UGT1A10: variants seen among roughly 807,000 people sequenced by gnomAD.
UGT1A10 encodes UDP glucuronosyltransferase family 1 member A10.
In UGT1A10, 49 loss-of-function variants were observed where a neutral mutation model predicts 45.8. The ratio of observed to expected loss-of-function variants is 1.07; its 90% CI spans 0.85 to 1.36. The LOEUF (loss-of-function observed/expected upper bound fraction) is 1.36, where lower values mean the gene tolerates loss of function less well. Among genes scored for constraint, UGT1A10 ranks in the 40% most tolerant of loss-of-function variants. The probability of loss-of-function intolerance (pLI) is 0.00; values close to 1 mark genes in which losing one functional copy is unlikely to be tolerated. For synonymous variants in UGT1A10, 284 were observed against 249.7 expected (o/e 1.14, Z -1.29); for missense variants, 745 against 668.6 (o/e 1.11, Z -1.26).
At chr2:233,667,807 A>C (rs535315154) in intron 1 of UGT1A10, among the ~76,000 whole-genome samples, 2 of 152,374 alleles carry the variant, frequency 1.3e-5, no homozygotes, top group Admixed American at 6.5e-5. Flanking sequence ...GCCATCTGAG[A>C]AATGCAAATC....
chr2:233,665,478 T>G (rs552210006), intron 1 of UGT1A10, among the ~76,000 whole-genome samples: 13 of 152,326 alleles, frequency 8.5e-5, no homozygotes, highest in African/African-American at 2.9e-4. Context: ...AAGTAGTGCC[T>G]TGTACACTTT....
At chr2:233,666,727 C>T (rs1432952761) in intron 1 of UGT1A10, among the ~76,000 whole-genome samples, 2 of 151,740 alleles carry the variant, frequency 1.3e-5, no homozygotes, top group African/African-American at 4.8e-5. Flanking sequence ...TATACATGTG[C>T]CATGTTGGTG....
At chr2:233,646,235 T>G (rs529367829) in intron 1 of UGT1A10, among the ~76,000 whole-genome samples, 150 of 152,312 alleles carry the variant, frequency 9.8e-4, no homozygotes, top group Non-Finnish European at 1.4e-3. Context: ...CCTGGGCCTG[T>G]CACACAAAAC....
intron 1 of UGT1A10, among the ~76,000 whole-genome samples, chr2:233,652,705 G>C (rs1395899442): frequency 6.6e-6 from 1 of 152,204 alleles, no homozygotes; most frequent in Non-Finnish European, 1.5e-5. Context: ...GTGGTGCCAA[G>C]ACTGTTCAAA....
chr2:233,705,764 C>CT (rs1233658406), intron 1 of UGT1A10, among the ~76,000 whole-genome samples: 1 of 152,170 alleles, frequency 6.6e-6, no homozygotes, highest in Non-Finnish European at 1.5e-5. Context: ...CAGCTGCATA[C>CT]TTTGAGTGTC....
In UGT1A10 at chr2:233,703,925, C is replaced by G. The variant is rs576814000; in HGVS notation, c.856-63109C>G. Among the ~76,000 whole-genome samples, 290 of 151,880 alleles carry G rather than the reference C, an allele frequency of 1.9e-3. 2 individuals carry two copies. Among genetic ancestry groups the G allele is most frequent in the African/African-American group, 6.7e-3 (277 of 41,416 alleles). ...TTTTTTTTTGAGACAAAATCTCATT[C>G]TGTTACCCAGACTGGAGTGCAGTGG... On this transcript the variant is annotated intron_variant, in intron 1 of 4. Coordinates refer to ENST00000344644, the MANE Select transcript of UGT1A10 (RefSeq NM_019075.4).
rs1575864217 is a variant in UGT1A10, at chr2:233,771,774, C to G, written c.1296-488C>G. On this transcript the variant is annotated intron_variant, in intron 4 of 4. Transcript: ENST00000344644. ...TCCCTTCCTTCCTCCGTCCCTCTCTCCTTTCCTCTCTCCCTCCCTCCCTCC... is the reference window on the plus strand; with the variant it reads ...TCCCTTCCTTCCTCCGTCCCTCTCTGCTTTCCTCTCTCCCTCCCTCCCTCC... Among the ~76,000 whole-genome samples the G allele has an allele frequency of 2.6e-5, 4 of 152,102 alleles. No individual in the cohort carries two copies. The South Asian group carries it at 8.4e-4, about 32-fold the overall frequency.
chr2:233,674,992 A>T lies in UGT1A10; in HGVS notation c.855+37615A>T, dbSNP rs545379398. ...TCAGAGTCTGTGTCTTATCTGTCTG[A>T]TGAGAAGGAAGCATTACTTGATGAT... On this transcript the variant is annotated intron_variant, in intron 1 of 4. Coordinates refer to ENST00000344644, the MANE Select transcript of UGT1A10 (RefSeq NM_019075.4). Among the ~76,000 whole-genome samples, 7 of 152,306 alleles carry T rather than the reference A, an allele frequency of 4.6e-5. No homozygotes were observed. The East Asian group carries it at 1.2e-3, about 25-fold the overall frequency.
intron 1 of UGT1A10, among the ~76,000 whole-genome samples, chr2:233,674,025 T>C (rs2074270792): frequency 6.6e-6 from 1 of 152,180 alleles, no homozygotes; most frequent in Admixed American, 6.5e-5. Context: ...CAGAATAACA[T>C]TCTTAGCAAA....
chr2:233,755,003 C>G (rs10929301), intron 1 of UGT1A10: 604,259 of 1,287,546 alleles, frequency 0.47, 145,841 homozygotes, highest in African/African-American at 0.7. Context: ...AGCTGAAGAC[C>G]TACTCGAAGG....
chr2:233,693,613 G>C (rs771123027), intron 1 of UGT1A10: 1 of 1,614,196 alleles, frequency 6.2e-7, no homozygotes, highest in South Asian at 1.1e-5. Flanking sequence ...CAGACCACAT[G>C]ACTTTTTCCC....
intron 1 of UGT1A10, among the ~76,000 whole-genome samples, chr2:233,746,704 G>A (rs1301844590): frequency 6.6e-6 from 1 of 151,714 alleles, no homozygotes; most frequent in African/African-American, 2.4e-5. Context: ...TAAATATTTG[G>A]TGGATAAGGG....
At chr2:233,710,359 A>T (rs1246560621) in intron 1 of UGT1A10, among the ~76,000 whole-genome samples, 1 of 152,246 alleles carries the variant, frequency 6.6e-6, no homozygotes, top group African/African-American at 2.4e-5. Context: ...CAAAGCAGTT[A>T]TACAATTTTA....
chr2:233,768,568 G>A, intron 4 of UGT1A10, 129 bp downstream of exon 4: 1 of 1,402,764 alleles, frequency 7.1e-7, no homozygotes, highest in Non-Finnish European at 9.3e-7. Context: ...TAAAAATCTG[G>A]ATTTTTATTT....
intron 1 of UGT1A10, among the ~76,000 whole-genome samples, chr2:233,763,176 T>C (rs1474049260): frequency 6.6e-6 from 1 of 152,268 alleles, no homozygotes; most frequent in Admixed American, 6.5e-5. Context: ...GTTGACTACA[T>C]ATTTGTTGTT....
chr2:233,759,804 G>A (rs35746348), intron 1 of UGT1A10, among the ~76,000 whole-genome samples: 153 of 152,314 alleles, frequency 1.0e-3, no homozygotes, highest in African/African-American at 3.5e-3. Context: ...ATACAAGTGA[G>A]CAGGCAGTAC....
At position 233,644,155 on chromosome 2, in the gene UGT1A10, G is replaced by A. The variant is rs371867982; in HGVS notation, c.855+6778G>A. On this transcript the variant is annotated intron_variant, in intron 1 of 4. Transcript: ENST00000344644. ...TAAGAGTTGCAATCTTTATGGACTA[G>A]ACTGCCTTTCAAGTTTACTTGAGGC... is the stretch of plus-strand genomic sequence containing the variant. 4.6e-5 allele frequency among the ~76,000 whole-genome samples: 7 copies of A among 152,270 alleles called. No individual in the cohort carries two copies. The East Asian group carries it at 5.8e-4, about 13-fold the overall frequency.
intron 1 of UGT1A10, among the ~76,000 whole-genome samples, chr2:233,766,739 C>T (rs1028534873): frequency 6.6e-6 from 1 of 152,120 alleles, no homozygotes; most frequent in East Asian, 1.9e-4. Context: ...TGTGTATGTA[C>T]AGGTGTGTGC....
At chr2:233,748,096 T>A in intron 1 of UGT1A10, 1 of 1,612,812 alleles carries the variant, frequency 6.2e-7, no homozygotes, top group Non-Finnish European at 8.5e-7. Flanking sequence ...GTTCGTGCCT[T>A]CATCCAATCA....
Sources: gnomAD v4.1 joint callset for allele counts (sites outside exome capture counted in the v4.1 genomes callset) on GRCh38, gnomAD v4.1.1 for gene constraint, MANE v1.5 for transcripts, NCBI Gene and HGNC (gene_info 2026-07-23, HGNC 2026-07-21) for gene names.